The following SNX11 variants were observed in gnomAD, a reference collection of about 807,000 sequenced individuals.
SNX11 encodes the protein sorting nexin-11.
In SNX11, 19 loss-of-function variants were observed where a neutral mutation model predicts 30.7. The observed-to-expected ratio is 0.62, with a 90% confidence interval of 0.43 to 0.91. SNX11 has a LOEUF of 0.91. SNX11 is among the 40% of genes least tolerant of loss of function. The pLI, the probability that SNX11 is intolerant of heterozygous loss-of-function variation, is 0.00. For synonymous variants in SNX11, 112 were observed against 119.0 expected (o/e 0.94, Z 0.38); for missense variants, 302 against 326.7 (o/e 0.92, Z 0.58).
intron 4 of SNX11, among the ~76,000 whole-genome samples, chr17:48,117,124 A>G (rs12950213): frequency 0.73 from 110,121 of 151,390 alleles, 40,776 homozygotes; most frequent in Admixed American, 0.82. Context: ...GCTTGATCTC[A>G]GCTCACCACA....
In SNX11 at chr17:48,113,351, C is replaced by T; in HGVS notation, c.180C>T (p.Tyr60=). ...AGACTTCCTGTGTGCGGCGCCGCTA[C>T]CGTGAGTTCGTGTGGCTGAGAAAGC... ...TAKTSCVRRR[Y]REFVWLRKQL... is the part of the protein sequence containing the mutation. The change falls in exon 4 of 7, where the codon TAC becomes TAT. Residue 60 remains tyrosine (Y), a synonymous_variant. Transcript: ENST00000359238. 3 of 1,613,726 alleles carry T rather than the reference C, an allele frequency of 1.9e-6. No individual in the cohort carries two copies. Among genetic ancestry groups the T allele is most frequent in the Non-Finnish European group, 2.5e-6 (3 of 1,179,812 alleles).
At chr17:48,120,505 G>A (rs1302855375) in intron 6 of SNX11, among the ~76,000 whole-genome samples, 4 of 79,692 alleles carry the variant, frequency 5.0e-5, no homozygotes, top group Admixed American at 1.8e-4. Context: ...ATCGCACCTG[G>A]CCTTTTTTTT....
chr17:48,115,107 G>A (rs1319471341), intron 4 of SNX11, among the ~76,000 whole-genome samples: 1 of 149,814 alleles, frequency 6.7e-6, no homozygotes, highest in Non-Finnish European at 1.5e-5. Context: ...TGTTGCCCAG[G>A]CTGGAGTACA....
Position 48,113,187 on chromosome 17 carries a change from A to T in SNX11, c.130-114A>T, listed in dbSNP as rs146014655. The T allele has an allele frequency of 1.0e-3, 849 of 822,070 alleles. 10 individuals are homozygous for T. The highest frequency in any genetic ancestry group is 7.7e-3 in the South Asian group (512 of 66,480). The allele number at this position is 822,070 out of a possible 1,614,324, so 50.9% of individuals were successfully genotyped here. A position where few individuals can be genotyped will look rare whatever the true frequency, so the allele number is the denominator to read the frequency against. ...CCTTGTTCTAGTTGGGGACCTGATC[A>T]GGTCTGTGGCCTGATGGCATGGCTC... On this transcript the variant is annotated intron_variant, in intron 3 of 6. Coordinates refer to ENST00000359238, the MANE Select transcript of SNX11 (RefSeq NM_013323.3).
In SNX11 at chr17:48,112,363, A is replaced by G. The variant is rs1200298561; in HGVS notation, c.43-211A>G. ...CGTCTCTTGTTCATGCTTTATCCCC[A>G]GTGCCTATAACAGTGTCTGACACGT... On this transcript the variant is annotated intron_variant, in intron 2 of 6. Transcript: ENST00000359238. 24 of 639,890 alleles carry G rather than the reference A, an allele frequency of 3.8e-5. No individual in the cohort carries two copies. The East Asian group carries it at 6.3e-4, about 17-fold the overall frequency. 39.6% of individuals were successfully genotyped at this position (639,890 alleles called of 1,614,324 possible).
intron 1 of SNX11, among the ~76,000 whole-genome samples, chr17:48,111,736 C>T (rs561879120): frequency 3.9e-4 from 60 of 152,158 alleles, no homozygotes; most frequent in African/African-American, 1.4e-3. Context: ...CATCTGGACC[C>T]GCCTGTTCTG....
chr17:48,122,667 C>T lies in SNX11; in HGVS notation c.*1159C>T, dbSNP rs1014322694. The T allele has an allele frequency of 1.3e-5, 2 of 152,216 alleles. No homozygotes were observed. Among genetic ancestry groups the T allele is most frequent in the Admixed American group, 1.3e-4 (2 of 15,280 alleles). The allele number at this position is 152,216 out of a possible 1,614,324, so 9.4% of individuals were successfully genotyped here. On this transcript the variant is annotated 3_prime_UTR_variant, in exon 7 of 7. Transcript: ENST00000359238. The stretch of plus-strand genomic sequence containing the variant: ...CCCTGTCTGTGGGCTCTTTTACTAC[C>T]AGCCTATGCTGTGGGACTGTCATGG...
chr17:48,118,003 C>T (rs1383449495), intron 4 of SNX11, among the ~76,000 whole-genome samples: 1 of 151,940 alleles, frequency 6.6e-6, no homozygotes, highest in African/African-American at 2.4e-5. Flanking sequence ...CCTGGGCAAC[C>T]TGGAGAGAGC....
rs570701265 is a variant in SNX11, at chr17:48,121,320, C to G, written c.625C>G (p.Pro209Ala). 1 of 1,614,190 alleles carries G rather than the reference C, an allele frequency of 6.2e-7. No homozygotes were observed. Among genetic ancestry groups the G allele is most frequent in the South Asian group, 1.1e-5 (1 of 91,084 alleles). The change falls in exon 7 of 7, where the codon CCA becomes GCA. Residue 209 changes from proline to alanine, a missense_variant. Pro to Ala is a conservative substitution (Grantham distance 27, BLOSUM62 -1). Transcript: ENST00000359238. ...AAAGGACCATTTAGAAGTGTGGGCTCCAGTTGTTGACTCTGAGGTTCCTTC... is the reference window on the plus strand; with the variant it reads ...AAAGGACCATTTAGAAGTGTGGGCTGCAGTTGTTGACTCTGAGGTTCCTTC... ...EEKDHLEVWAPVVDSEVPSLE... is the reference protein window; with the variant it reads ...EEKDHLEVWAAVVDSEVPSLE...
Position 48,112,020 on chromosome 17 carries a change from T to C in SNX11, c.-13-11T>C, listed in dbSNP as rs555391017. On this transcript the variant is annotated splice_polypyrimidine_tract_variant and intron_variant, in intron 1 of 6. Coordinates refer to ENST00000359238, the MANE Select transcript of SNX11 (RefSeq NM_013323.3). Reference sequence around the variant, plus strand: ...ACTAACCTTGATCCTGTATCCTCTGTCCCTCATCAGATGTTTCCTTCCAAT... The same window carrying C: ...ACTAACCTTGATCCTGTATCCTCTGCCCCTCATCAGATGTTTCCTTCCAAT... The C allele has an allele frequency of 2.5e-6, 4 of 1,606,692 alleles. No individual in the cohort carries two copies. In the African/African-American group the frequency reaches 5.3e-5, roughly 21 times the overall value.
chr17:48,114,120 T>C (rs563418347), intron 4 of SNX11, among the ~76,000 whole-genome samples: 95 of 151,642 alleles, frequency 6.3e-4, no homozygotes, highest in Non-Finnish European at 1.0e-3. Context: ...CCTCCCAAAG[T>C]GCTGGGATTA....
In SNX11 at chr17:48,117,449, G is replaced by A. The variant is rs576020739; in HGVS notation, c.231-1255G>A. Among the ~76,000 whole-genome samples, 45 of 151,832 alleles carry A rather than the reference G, an allele frequency of 3.0e-4. No homozygotes were observed. In the East Asian group the frequency reaches 7.8e-3, roughly 26 times the overall value. ...TTTTCTATTTTTTAGTTGAGATGGGGTTTCACCGTGTTAGCCAGGATGGTC... is the reference window on the plus strand; with the variant it reads ...TTTTCTATTTTTTAGTTGAGATGGGATTTCACCGTGTTAGCCAGGATGGTC... On this transcript the variant is annotated intron_variant, in intron 4 of 6. Coordinates refer to ENST00000359238, the MANE Select transcript of SNX11 (RefSeq NM_013323.3).
chr17:48,116,213 G>C (rs1304359734), intron 4 of SNX11, among the ~76,000 whole-genome samples: 2 of 152,066 alleles, frequency 1.3e-5, no homozygotes, highest in East Asian at 3.9e-4. Flanking sequence ...AGCTGAGATT[G>C]TGCCACTGCA....
At chr17:48,119,293 C>T (rs909824965) in intron 6 of SNX11, 107 bp downstream of exon 6, 3 of 885,030 alleles carry the variant, frequency 3.4e-6, no homozygotes, top group East Asian at 2.6e-5. Flanking sequence ...GGTAGCCTTT[C>T]ACAACCTTTC....
intron 4 of SNX11, chr17:48,113,687 A>ACTTCCCAAGT (rs2063514616): frequency 2.9e-6 from 1 of 344,858 alleles, no homozygotes. Context: ...CTGGGACTAC[A>ACTTCCCAAGT]GGTGCATGCC....
chr17:48,112,747 T>G (rs1443029558), intron 3 of SNX11, 87 bp downstream of exon 3: 2 of 705,042 alleles, frequency 2.8e-6, no homozygotes, highest in South Asian at 4.0e-5. Flanking sequence ...TTTTTTTTTT[T>G]GAGATGGAGT....
Position 48,112,078 on chromosome 17 carries a change from A to C in SNX11, c.35A>C (p.Glu12Ala). ...TGGTGTAGGATGTCGGAGAACCAAGAACAGGAGGTAAGAGTATGGTCTGCA... is the reference window on the plus strand; with the variant it reads ...TGGTGTAGGATGTCGGAGAACCAAGCACAGGAGGTAAGAGTATGGTCTGCA... ...GFWCRMSENQ[E>A]QEEVITVRVQ... The change falls in exon 2 of 7, where the codon GAA becomes GCA. Residue 12 changes from glutamate to alanine, a missense_variant. Coordinates refer to ENST00000359238, the MANE Select transcript of SNX11 (RefSeq NM_013323.3). 6.2e-7 allele frequency: 1 copy of C among 1,613,748 alleles called. No homozygotes were observed. The highest frequency in any genetic ancestry group is 1.1e-5 in the South Asian group (1 of 91,066).
intron 1 of SNX11, among the ~76,000 whole-genome samples, chr17:48,109,491 C>T (rs1046456877): frequency 5.9e-5 from 9 of 151,800 alleles, no homozygotes; most frequent in African/African-American, 9.7e-5. Context: ...ATCTCTTGAC[C>T]TCGTATTTCG....
intron 4 of SNX11, 162 bp downstream of exon 4, chr17:48,113,563 T>C (rs2063512733): frequency 1.4e-5 from 6 of 431,486 alleles, no homozygotes; most frequent in South Asian, 1.3e-4. Context: ...TTTTTTTTTT[T>C]GATGTAGGGT....
Sources: allele counts gnomAD v4.1 joint callset (sites outside exome capture counted in the v4.1 genomes callset), GRCh38; gene constraint gnomAD v4.1.1; transcripts MANE v1.5; gene names NCBI Gene and HGNC (gene_info 2026-07-23, HGNC 2026-07-21).